CERS4: variants seen among roughly 807,000 people sequenced by gnomAD.
The protein encoded by CERS4 is LAG1 homolog, ceramide synthase 4.
Under a neutral mutation model 51.8 loss-of-function variants are expected in CERS4, and 65 were observed. That is an observed-to-expected ratio of 1.26 (90% CI 1.03 to 1.54). The LOEUF is 1.54. CERS4 is among the 40% of genes most tolerant of loss of function. The probability of loss-of-function intolerance (pLI) is 0.00; values close to 1 mark genes in which losing one functional copy is unlikely to be tolerated. For missense variants in CERS4, 563 were observed against 500.4 expected (o/e 1.13, Z -1.19); for synonymous variants, 228 against 208.4 (o/e 1.09, Z -0.81).
intron 7 of CERS4, 83 bp from the exon 8 acceptor site, chr19:8,256,535 C>T: frequency 7.6e-7 from 1 of 1,322,008 alleles, no homozygotes; most frequent in Non-Finnish European, 1.1e-6. Context: ...TGGTTTTGAG[C>T]AAACGGAGTG....
intron 2 of CERS4, among the ~76,000 whole-genome samples, chr19:8,245,114 A>AAAAACAAAAAAAACAAAAAAAAAC (rs1968704838): frequency 6.6e-5 from 3 of 45,162 alleles, no homozygotes; most frequent in Non-Finnish European, 8.8e-5. Flanking sequence ...TCCATCTCAA[A>AAAAACAAAAAAAACAAAAAAAAAC]AAAAAAAAAA....
At chr19:8,259,865 C>A (rs1392339969) in intron 10 of CERS4, among the ~76,000 whole-genome samples, 1 of 152,124 alleles carries the variant, frequency 6.6e-6, no homozygotes, top group Non-Finnish European at 1.5e-5. Flanking sequence ...AGTCTCAGTC[C>A]TCGGGCTTCC....
chr19:8,218,105 C>A (rs907256820), intron 2 of CERS4, among the ~76,000 whole-genome samples: 2 of 152,218 alleles, frequency 1.3e-5, no homozygotes, highest in Non-Finnish European at 2.9e-5. Context: ...ACTGGGATTA[C>A]AGGCACGTGC....
intron 2 of CERS4, among the ~76,000 whole-genome samples, chr19:8,230,403 T>A (rs1967962332): frequency 6.6e-6 from 1 of 152,084 alleles, no homozygotes; most frequent in African/African-American, 2.4e-5. Context: ...TTGGCCAGGC[T>A]GGTTTCAAAC....
intron 2 of CERS4, among the ~76,000 whole-genome samples, chr19:8,227,901 TGCTGG>T (rs1259104122): frequency 1.3e-5 from 2 of 152,038 alleles, no homozygotes; most frequent in Non-Finnish European, 2.9e-5. Context: ...CTCACTATGT[TGCTGG>T]GCTGGAATGC....
At chr19:8,254,875 A>ACC (rs34267454) in intron 4 of CERS4, among the ~76,000 whole-genome samples, 158 of 145,016 alleles carry the variant, frequency 1.1e-3, no homozygotes, top group Non-Finnish European at 1.7e-3. Context: ...GGAGATGAGG[A>ACC]CCCCCCCCTT....
At chr19:8,224,818 TGAG>T (rs959923644) in intron 2 of CERS4, among the ~76,000 whole-genome samples, 34 of 152,134 alleles carry the variant, frequency 2.2e-4, no homozygotes, top group Middle Eastern at 3.4e-3. Context: ...TAGGGCTTAA[TGAG>T]GAGCTGAGTG....
intron 4 of CERS4, 45 bp downstream of exon 4, chr19:8,254,661 G>C (rs756313215): frequency 6.6e-7 from 1 of 1,523,018 alleles, no homozygotes; most frequent in Non-Finnish European, 8.9e-7. Context: ...TGCCCTGGGG[G>C]TGGGGCGTGG....
chr19:8,251,293 CCA>C (rs1969066276), intron 3 of CERS4, 44 bp downstream of exon 3: 1 of 1,529,390 alleles, frequency 6.5e-7, no homozygotes, highest in Non-Finnish European at 8.8e-7. Context: ...CGCAGTCGCT[CCA>C]GTATGTGCTC....
chr19:8,246,769 T>C (rs1182225559), intron 2 of CERS4, among the ~76,000 whole-genome samples: 1 of 152,068 alleles, frequency 6.6e-6, no homozygotes, highest in East Asian at 1.9e-4. Flanking sequence ...GGTGATGGAA[T>C]AAACAGAATG....
intron 8 of CERS4, 48 bp downstream of exon 8, chr19:8,256,758 T>A: frequency 6.3e-7 from 1 of 1,589,534 alleles, no homozygotes; most frequent in Non-Finnish European, 8.6e-7. Flanking sequence ...GCCGGGATGC[T>A]GGGGTGCTGG....
At position 8,256,996 on chromosome 19, in the gene CERS4, G is replaced by T; in HGVS notation, c.660G>T (p.Met220Ile). The T allele has an allele frequency of 1.2e-6, 2 of 1,614,062 alleles. No homozygotes were observed. The highest frequency in any genetic ancestry group is 1.7e-5 in the Admixed American group (1 of 60,000). The change falls in exon 9 of 12, where the codon ATG becomes ATT. Residue 220 changes from methionine to isoleucine, a missense_variant. Transcript: ENST00000251363. ...ACCACTTCGTGGCGGTCATCCTGAT[G>T]ACCTTCTCCTACAGTGCCAACCTGC... ...VIHHFVAVILMTFSYSANLLR... is the reference protein window; with the variant it reads ...VIHHFVAVILITFSYSANLLR...
chr19:8,212,688 G>C (rs1460700597), intron 2 of CERS4, among the ~76,000 whole-genome samples: 1 of 152,010 alleles, frequency 6.6e-6, no homozygotes, highest in Non-Finnish European at 1.5e-5. Flanking sequence ...GCCCAGGCTG[G>C]AGTGCAATGG....
intron 7 of CERS4, 108 bp downstream of exon 7, chr19:8,256,394 C>T: frequency 7.9e-7 from 1 of 1,270,796 alleles, no homozygotes; most frequent in East Asian, 2.4e-5. Context: ...TCATTCCCCA[C>T]TGAGTCCCAC....
intron 10 of CERS4, 98 bp downstream of exon 10, chr19:8,258,083 A>G (rs1001375887): frequency 1.0e-6 from 1 of 987,918 alleles, no homozygotes; most frequent in Non-Finnish European, 1.6e-6. Flanking sequence ...GGAGCTGGGG[A>G]TCTTGGCTGG....
intron 9 of CERS4, 38 bp from the exon 10 acceptor site, chr19:8,257,841 C>G (rs1188105988): frequency 1.6e-5 from 24 of 1,539,158 alleles, no homozygotes; most frequent in Non-Finnish European, 2.2e-5. Flanking sequence ...GACCAGGGCC[C>G]TGGTCCTGAG....
chr19:8,251,267 C>A lies in CERS4; in HGVS notation c.173+18C>A. 6.4e-7 allele frequency: 1 copy of A among 1,567,626 alleles called. No individual in the cohort carries two copies. Among genetic ancestry groups the A allele is most frequent in the Non-Finnish European group, 8.6e-7 (1 of 1,157,798 alleles). Reference sequence around the variant, plus strand: ...TTTGAGAGGTGAGTGTCTGCCCTGCCGCAATCCATTGCCCCCGCAGTCGCT... The same window carrying A: ...TTTGAGAGGTGAGTGTCTGCCCTGCAGCAATCCATTGCCCCCGCAGTCGCT... On this transcript the variant is annotated intron_variant, in intron 3 of 11. Coordinates refer to ENST00000251363, the MANE Select transcript of CERS4 (RefSeq NM_024552.3).
chr19:8,254,179 C>T (rs917564133), intron 3 of CERS4, among the ~76,000 whole-genome samples: 5 of 151,634 alleles, frequency 3.3e-5, no homozygotes, highest in South Asian at 2.1e-4. Context: ...AAAAATTAGC[C>T]GGGCGTAGTG....
chr19:8,252,225 T>C (rs987361546), intron 3 of CERS4, among the ~76,000 whole-genome samples: 1 of 151,670 alleles, frequency 6.6e-6, no homozygotes. Flanking sequence ...AAAAAATTAG[T>C]TGGGTGTGGT....
Sources: gnomAD v4.1 joint callset for allele counts (sites outside exome capture counted in the v4.1 genomes callset) on GRCh38, gnomAD v4.1.1 for gene constraint, MANE v1.5 for transcripts, NCBI Gene and HGNC (gene_info 2026-07-23, HGNC 2026-07-21) for gene names.